Variants in NHSL3 observed in about 807,000 individuals in gnomAD.
NHSL3 encodes NHS-like protein 3.
the NHSL3 span, among the ~76,000 whole-genome samples, chr1:32,747,192 G>GTT: frequency 1.4e-4 from 20 of 145,800 alleles, 1 homozygote; most frequent in African/African-American, 4.8e-4. Flanking sequence ...TTTTTGTTTT[G>GTT]TTTTGTTTTT....
chr1:32,765,805 C>T, the NHSL3 span: 2 of 1,547,424 alleles, frequency 1.3e-6, no homozygotes, highest in African/African-American at 1.4e-5. Flanking sequence ...TCCCGGCGCT[C>T]CTAGGGCTGT....
the NHSL3 span, among the ~76,000 whole-genome samples, chr1:32,762,396 A>G: frequency 6.6e-6 from 1 of 151,568 alleles, no homozygotes; most frequent in Admixed American, 6.6e-5. Flanking sequence ...TCTCTTTCAC[A>G]GTCTCTGCTA....
At chr1:32,770,010 G>T in the NHSL3 span, 5 of 1,600,222 alleles carry the variant, frequency 3.1e-6, no homozygotes, top group South Asian at 3.4e-5. The surrounding 1 kb of genome is among the most constrained non-coding windows in gnomAD (Gnocchi z 8.3). Context: ...CCCTGCAGGC[G>T]CTGGAGGCGG....
chr1:32,770,218 C>T, the NHSL3 span: 2 of 1,604,936 alleles, frequency 1.2e-6, no homozygotes, highest in South Asian at 1.1e-5. This position sits in a 1 kb window ranked among gnomAD's most constrained non-coding sequence, Gnocchi z 8.3. Flanking sequence ...CATCTCCCCC[C>T]AGGCCACCTA....
the NHSL3 span, chr1:32,770,457 G>A: frequency 6.2e-7 from 1 of 1,603,442 alleles, no homozygotes; most frequent in African/African-American, 1.3e-5. The surrounding 1 kb of genome is among the most constrained non-coding windows in gnomAD (Gnocchi z 8.3). Flanking sequence ...ACACCATTGT[G>A]TCTGACGGTT....
At chr1:32,763,934 C>T in the NHSL3 span, among the ~76,000 whole-genome samples, 5 of 151,996 alleles carry the variant, frequency 3.3e-5, no homozygotes. Context: ...AAACATGGCT[C>T]ACGGCAGCCC....
the NHSL3 span, among the ~76,000 whole-genome samples, chr1:32,743,100 T>C: frequency 1.3e-5 from 2 of 152,232 alleles, no homozygotes; most frequent in Non-Finnish European, 2.9e-5. Context: ...TTCCAGTTTC[T>C]GTCTTCCTTT....
At chr1:32,743,361 T>C in the NHSL3 span, among the ~76,000 whole-genome samples, 2 of 152,140 alleles carry the variant, frequency 1.3e-5, no homozygotes, top group Non-Finnish European at 2.9e-5. Flanking sequence ...GTATCCGGCT[T>C]GATCTTCCTT....
the NHSL3 span, chr1:32,772,216 C>A: frequency 4.3e-6 from 7 of 1,609,914 alleles, no homozygotes; most frequent in Non-Finnish European, 4.2e-6. Flanking sequence ...GCGGCCACCC[C>A]AGGCCCCAAA....
chr1:32,772,699 C>T, the NHSL3 span, among the ~76,000 whole-genome samples: 1 of 152,152 alleles, frequency 6.6e-6, no homozygotes, highest in Non-Finnish European at 1.5e-5. Context: ...GTGACACCTA[C>T]ATTATAGTGT....
the NHSL3 span, among the ~76,000 whole-genome samples, chr1:32,758,501 T>A: frequency 2.0e-5 from 3 of 152,062 alleles, no homozygotes; most frequent in South Asian, 2.1e-4. Context: ...ATTCCCCCCA[T>A]GTCTCGTCCC....
the NHSL3 span, among the ~76,000 whole-genome samples, chr1:32,760,473 G>T: frequency 6.6e-6 from 1 of 152,110 alleles, no homozygotes; most frequent in East Asian, 1.9e-4. Flanking sequence ...ACACACACCT[G>T]TTTTTCTGTA....
the NHSL3 span, chr1:32,774,779 GGA>G: frequency 2.0e-5 from 3 of 152,460 alleles, no homozygotes; most frequent in African/African-American, 4.8e-5. Context: ...TAGAGTAAAT[GGA>G]GAGACCAAAA....
At chr1:32,759,556 C>T in the NHSL3 span, among the ~76,000 whole-genome samples, 2 of 152,218 alleles carry the variant, frequency 1.3e-5, no homozygotes, top group Admixed American at 6.5e-5. Flanking sequence ...ATGGGCTCCT[C>T]CCCTCCCTGC....
chr1:32,773,738 AGAGGCAG>A, the NHSL3 span: 1 of 152,696 alleles, frequency 6.5e-6, no homozygotes, highest in Admixed American at 6.5e-5. Flanking sequence ...CCAGCACTTC[AGAGGCAG>A]GAGCCTTTGG....
chr1:32,751,822 C>T, the NHSL3 span, among the ~76,000 whole-genome samples: 1 of 152,128 alleles, frequency 6.6e-6, no homozygotes, highest in Non-Finnish European at 1.5e-5. Flanking sequence ...AGAAGATTCT[C>T]ATCTCAGAGA....
chr1:32,772,258 C>G, the NHSL3 span: 1 of 1,602,086 alleles, frequency 6.2e-7, no homozygotes, highest in Admixed American at 1.7e-5. Flanking sequence ...ACCTGTGGCC[C>G]GCAAGCCGTC....
At chr1:32,758,427 G>A in the NHSL3 span, among the ~76,000 whole-genome samples, 2 of 152,130 alleles carry the variant, frequency 1.3e-5, no homozygotes, top group Non-Finnish European at 2.9e-5. Context: ...TAGACCTGGA[G>A]GTTTAACTTC....
chr1:32,767,798 G>T, the NHSL3 span: 1 of 1,610,636 alleles, frequency 6.2e-7, no homozygotes, highest in Non-Finnish European at 8.5e-7. Flanking sequence ...CTCTGCCAAG[G>T]CTGAGAATGA....
Sources: allele counts gnomAD v4.1 joint callset (sites outside exome capture counted in the v4.1 genomes callset), GRCh38; gene constraint gnomAD v4.1.1; non-coding constraint Gnocchi (gnomAD v3.1); transcripts MANE v1.5; gene names NCBI Gene and HGNC (gene_info 2026-07-23, HGNC 2026-07-21).